The following CDKAL1 variants were observed in gnomAD, a reference collection of about 807,000 sequenced individuals.
CDKAL1 encodes threonylcarbamoyladenosine tRNA methylthiotransferase.
In CDKAL1, 32 loss-of-function variants were observed where a neutral mutation model predicts 68.2. The ratio of observed to expected loss-of-function variants is 0.47; its 90% CI spans 0.35 to 0.63. CDKAL1 has a LOEUF of 0.63. Ranked by LOEUF, CDKAL1 falls within the 30% of genes least tolerant of loss-of-function variation. The pLI is 0.00. For synonymous variants in CDKAL1, 234 were observed against 244.3 expected (o/e 0.96, Z 0.39); for missense variants, 606 against 696.7 (o/e 0.87, Z 1.47).
intron 10 of CDKAL1, among the ~76,000 whole-genome samples, chr6:20,979,989 C>G (rs1766033511): frequency 6.6e-6 from 1 of 151,766 alleles, no homozygotes; most frequent in Non-Finnish European, 1.5e-5. Context: ...CCAGGCTGAT[C>G]TCAAACTCCT....
At chr6:20,743,042 T>C (rs1187424689) in intron 6 of CDKAL1, among the ~76,000 whole-genome samples, 2 of 152,168 alleles carry the variant, frequency 1.3e-5, no homozygotes, top group Non-Finnish European at 2.9e-5. Flanking sequence ...TTCTCAAATA[T>C]AGTGAGTTAC....
intron 11 of CDKAL1, among the ~76,000 whole-genome samples, chr6:21,013,294 C>G (rs1768119965): frequency 6.6e-6 from 1 of 152,136 alleles, no homozygotes; most frequent in Admixed American, 6.5e-5. Context: ...TCCTCTCTCT[C>G]TCTTTTCTTT....
At chr6:21,058,867 G>A (rs1019478062) in intron 11 of CDKAL1, among the ~76,000 whole-genome samples, 5 of 100,266 alleles carry the variant, frequency 5.0e-5, no homozygotes, top group Admixed American at 1.8e-4. Context: ...CTCCTGTTGT[G>A]GGGGTCTCAC....
chr6:20,887,896 G>A (rs770876003), intron 9 of CDKAL1, among the ~76,000 whole-genome samples: 2 of 151,006 alleles, frequency 1.3e-5, no homozygotes, highest in African/African-American at 2.4e-5. Context: ...TGATCCTCCT[G>A]CCTCAGCCTC....
chr6:20,880,252 T>C (rs540282343), intron 9 of CDKAL1, among the ~76,000 whole-genome samples: 1 of 105,052 alleles, frequency 9.5e-6, no homozygotes, highest in Admixed American at 9.3e-5. Context: ...TCAAAGAAAC[T>C]ACATTTTTTT....
At chr6:20,877,936 T>C (rs895167129) in intron 9 of CDKAL1, among the ~76,000 whole-genome samples, 1 of 152,180 alleles carries the variant, frequency 6.6e-6, no homozygotes, top group Admixed American at 6.5e-5. Context: ...CACTTACTTA[T>C]ACTTTTCCGT....
At chr6:21,230,616 A>G (rs1209647079) in intron 15 of CDKAL1, among the ~76,000 whole-genome samples, 2 of 152,006 alleles carry the variant, frequency 1.3e-5, no homozygotes, top group African/African-American at 2.4e-5. Context: ...TCTTTCTCAT[A>G]CAGTTTATGT....
chr6:20,978,541 CAG>C (rs1398960382), intron 10 of CDKAL1, among the ~76,000 whole-genome samples: 2 of 152,004 alleles, frequency 1.3e-5, no homozygotes, highest in Non-Finnish European at 2.9e-5. Context: ...AAACAGGAAA[CAG>C]ATGTTAGGTG....
intron 4 of CDKAL1, among the ~76,000 whole-genome samples, chr6:20,573,700 T>G (rs1172950274): frequency 6.6e-6 from 1 of 152,188 alleles, no homozygotes; most frequent in Non-Finnish European, 1.5e-5. Flanking sequence ...ATTTTCTGAA[T>G]TTTGGATGTT....
chr6:20,967,741 T>C (rs566848102), intron 10 of CDKAL1, among the ~76,000 whole-genome samples: 20 of 152,344 alleles, frequency 1.3e-4, no homozygotes, highest in Non-Finnish European at 2.4e-4. Context: ...TGGAGAGTCC[T>C]TTCATTTCAG....
At chr6:20,973,496 A>T (rs927251365) in intron 10 of CDKAL1, among the ~76,000 whole-genome samples, 1 of 152,140 alleles carries the variant, frequency 6.6e-6, no homozygotes, top group Non-Finnish European at 1.5e-5. Flanking sequence ...TCTCAGTGCC[A>T]GTCACTGTGA....
intron 13 of CDKAL1, among the ~76,000 whole-genome samples, chr6:21,164,668 G>C (rs1255760542): frequency 6.6e-6 from 1 of 152,100 alleles, no homozygotes; most frequent in East Asian, 1.9e-4. Flanking sequence ...AAAATTCTCA[G>C]CATCAAAGAT....
chr6:20,554,068 T>C (rs936401629), intron 4 of CDKAL1, among the ~76,000 whole-genome samples: 2 of 152,266 alleles, frequency 1.3e-5, no homozygotes, highest in Admixed American at 1.3e-4. Flanking sequence ...TCTGCCCGCC[T>C]TGGCCTCCCA....
intron 5 of CDKAL1, among the ~76,000 whole-genome samples, chr6:20,692,803 G>A (rs1770927495): frequency 6.6e-6 from 1 of 151,894 alleles, no homozygotes; most frequent in Admixed American, 6.6e-5. Context: ...ACAATGTAGA[G>A]AAAATGAGCA....
At chr6:21,057,571 T>G (rs1770904471) in intron 11 of CDKAL1, among the ~76,000 whole-genome samples, 1 of 152,018 alleles carries the variant, frequency 6.6e-6, no homozygotes, top group African/African-American at 2.4e-5. Context: ...GCTTTGGGGT[T>G]TGTTTGCTCT....
intron 13 of CDKAL1, among the ~76,000 whole-genome samples, chr6:21,142,405 C>T (rs778889695): frequency 1.9e-4 from 29 of 152,074 alleles, no homozygotes; most frequent in Non-Finnish European, 3.5e-4. Flanking sequence ...AGTTTTTACC[C>T]AAACAGTAGA....
At chr6:20,751,240 C>CT (rs567720837) in intron 6 of CDKAL1, among the ~76,000 whole-genome samples, 6 of 148,784 alleles carry the variant, frequency 4.0e-5, no homozygotes, top group East Asian at 2.0e-4. Context: ...AATGAGTGGA[C>CT]TTTTTTTTTT....
At chr6:21,090,344 C>A (rs1416361883) in intron 12 of CDKAL1, among the ~76,000 whole-genome samples, 1 of 152,174 alleles carries the variant, frequency 6.6e-6, no homozygotes, top group Non-Finnish European at 1.5e-5. Context: ...GTAAGTGAAG[C>A]CTGTATTTAA....
intron 13 of CDKAL1, among the ~76,000 whole-genome samples, chr6:21,177,745 G>A (rs1314748428): frequency 6.6e-6 from 1 of 150,894 alleles, no homozygotes; most frequent in Non-Finnish European, 1.5e-5. Flanking sequence ...GTTTTATAAG[G>A]AAATTGAAGA....
Sources: gnomAD v4.1 joint callset for allele counts (sites outside exome capture counted in the v4.1 genomes callset) on GRCh38, gnomAD v4.1.1 for gene constraint, MANE v1.5 for transcripts, NCBI Gene and HGNC (gene_info 2026-07-23, HGNC 2026-07-21) for gene names.